LPP: variants seen among roughly 807,000 people sequenced by gnomAD.
The protein encoded by LPP is LIM domain containing preferred translocation partner in lipoma.
A neutral mutation model predicts 60.4 loss-of-function variants in LPP; 38 were observed. The observed-to-expected ratio is 0.63, with a 90% confidence interval of 0.49 to 0.83. The LOEUF (loss-of-function observed/expected upper bound fraction) is 0.83, where lower values mean the gene tolerates loss of function less well. Among genes scored for constraint, LPP ranks in the 40% least tolerant of loss-of-function variants. LPP has a pLI of 0.00. For synonymous variants in LPP, 328 were observed against 290.8 expected (o/e 1.13, Z -1.30); for missense variants, 902 against 783.6 (o/e 1.15, Z -1.80).
At chr3:188,506,331 C>T (rs1813445210) in intron 5 of LPP, among the ~76,000 whole-genome samples, 1 of 152,048 alleles carries the variant, frequency 6.6e-6, no homozygotes, top group African/African-American at 2.4e-5. Flanking sequence ...GTAGAGTATC[C>T]AACAACTGCT....
intron 4 of LPP, among the ~76,000 whole-genome samples, chr3:188,451,031 A>G (rs962896059): frequency 7.2e-5 from 11 of 151,932 alleles, no homozygotes; most frequent in African/African-American, 1.9e-4. Context: ...GAGTTTCACT[A>G]GGCTCTGTGT....
At chr3:188,828,525 G>T (rs538962455) in intron 9 of LPP, among the ~76,000 whole-genome samples, 247 of 143,926 alleles carry the variant, frequency 1.7e-3, no homozygotes, top group Non-Finnish European at 3.2e-3. Context: ...TGAGGCAGGA[G>T]AATTGCTTGA....
At chr3:188,763,206 A>T (rs1294044636) in intron 9 of LPP, among the ~76,000 whole-genome samples, 1 of 152,016 alleles carries the variant, frequency 6.6e-6, no homozygotes, top group African/African-American at 2.4e-5. Context: ...TATTCCATAC[A>T]AACCAGAGCA....
At chr3:188,779,117 T>C (rs1346545886) in intron 9 of LPP, among the ~76,000 whole-genome samples, 1 of 151,538 alleles carries the variant, frequency 6.6e-6, no homozygotes, top group Non-Finnish European at 1.5e-5. Flanking sequence ...AAATGACAAC[T>C]TAAAAGAAAA....
intron 4 of LPP, among the ~76,000 whole-genome samples, chr3:188,414,378 T>C (rs922650663): frequency 6.6e-6 from 1 of 152,134 alleles, no homozygotes; most frequent in Non-Finnish European, 1.5e-5. Flanking sequence ...TGGATTAGGG[T>C]TGCTTAGCTG....
At chr3:188,511,572 T>G (rs984737432) in intron 5 of LPP, among the ~76,000 whole-genome samples, 1 of 151,968 alleles carries the variant, frequency 6.6e-6, no homozygotes, top group Non-Finnish European at 1.5e-5. Context: ...GTTTTCTTCC[T>G]AATGTCATGC....
chr3:188,372,896 C>T (rs555390042), intron 3 of LPP, among the ~76,000 whole-genome samples: 1 of 152,100 alleles, frequency 6.6e-6, no homozygotes, highest in East Asian at 1.9e-4. Context: ...TGTGATGTTC[C>T]CCTTCCTGTG....
intron 8 of LPP, among the ~76,000 whole-genome samples, chr3:188,729,049 G>C (rs760866218): frequency 3.9e-5 from 6 of 152,120 alleles, no homozygotes; most frequent in East Asian, 1.9e-4. Context: ...AGAGCTCTAG[G>C]AAAAACCTCC....
chr3:188,775,542 T>C (rs1311021327), intron 9 of LPP, among the ~76,000 whole-genome samples: 1 of 152,148 alleles, frequency 6.6e-6, no homozygotes, highest in Admixed American at 6.5e-5. Flanking sequence ...AAGACTTGTT[T>C]TTTCAGAGGG....
intron 3 of LPP, among the ~76,000 whole-genome samples, chr3:188,376,424 T>C (rs1268265891): frequency 6.6e-6 from 1 of 152,202 alleles, no homozygotes; most frequent in Non-Finnish European, 1.5e-5. Context: ...GATAGTTAGC[T>C]CTTCTTGTTG....
chr3:188,846,540 C>T (rs750953022), intron 9 of LPP, among the ~76,000 whole-genome samples: 13 of 151,708 alleles, frequency 8.6e-5, no homozygotes, highest in African/African-American at 1.5e-4. Context: ...AAAAATTAGG[C>T]GGGCATGGTG....
At chr3:188,713,721 G>T (rs899494838) in intron 8 of LPP, among the ~76,000 whole-genome samples, 2 of 152,118 alleles carry the variant, frequency 1.3e-5, no homozygotes, top group Non-Finnish European at 2.9e-5. Flanking sequence ...AGCTAGAGAT[G>T]CTATAACTGC....
chr3:188,447,642 A>G (rs566419977), intron 4 of LPP, among the ~76,000 whole-genome samples: 4 of 146,802 alleles, frequency 2.7e-5, no homozygotes, highest in East Asian at 4.0e-4. Flanking sequence ...TTAACCTGTC[A>G]TGGTGGCATG....
chr3:188,338,391 T>A (rs982003676), intron 2 of LPP, among the ~76,000 whole-genome samples: 2 of 152,232 alleles, frequency 1.3e-5, no homozygotes, highest in African/African-American at 2.4e-5. Flanking sequence ...GGGACAGACT[T>A]CTATGTTTAA....
At chr3:188,684,968 A>G (rs1860371502) in intron 7 of LPP, among the ~76,000 whole-genome samples, 1 of 152,212 alleles carries the variant, frequency 6.6e-6, no homozygotes, top group Non-Finnish European at 1.5e-5. Context: ...AGAGTTAGGT[A>G]TTTATTCATT....
intron 7 of LPP, among the ~76,000 whole-genome samples, chr3:188,613,279 T>C (rs1004420372): frequency 1.4e-5 from 2 of 140,420 alleles, no homozygotes; most frequent in African/African-American, 5.3e-5. Flanking sequence ...TATATCTATA[T>C]CTATATCTAT....
At chr3:188,799,840 C>A (rs946792711) in intron 9 of LPP, among the ~76,000 whole-genome samples, 1 of 152,104 alleles carries the variant, frequency 6.6e-6, no homozygotes, top group Non-Finnish European at 1.5e-5. Flanking sequence ...AAAGTGATTT[C>A]TTTTCTAGTA....
chr3:188,196,741 G>A (rs777364791), intron 1 of LPP, among the ~76,000 whole-genome samples: 13 of 152,186 alleles, frequency 8.5e-5, no homozygotes, highest in Non-Finnish European at 1.5e-4. Flanking sequence ...AATGGAAAGA[G>A]GCAGGAAGTG....
Position 188,879,599 on chromosome 3 carries a change from G to A in LPP, c.*5120G>A. ...ACTGATCTAGTTTTCTCAGCTGTAT[G>A]CAAAGTAATCTTTCAAAGACTAGGT... On this transcript the variant is annotated 3_prime_UTR_variant, in exon 12 of 12. Coordinates refer to ENST00000617246, the MANE Select transcript of LPP (RefSeq NM_001375462.1). 5.3e-6 allele frequency: 1 copy of A among 189,190 alleles called. No individual in the cohort carries two copies. The highest frequency in any genetic ancestry group is 1.1e-5 in the Non-Finnish European group (1 of 89,974). The allele number at this position is 189,190 out of a possible 1,614,324, so 11.7% of individuals were successfully genotyped here.
Sources: gnomAD v4.1 joint callset for allele counts (sites outside exome capture counted in the v4.1 genomes callset) on GRCh38, gnomAD v4.1.1 for gene constraint, MANE v1.5 for transcripts, NCBI Gene and HGNC (gene_info 2026-07-23, HGNC 2026-07-21) for gene names.